The following CHST15 variants were observed in gnomAD, a reference collection of about 807,000 sequenced individuals.
CHST15 encodes carbohydrate sulfotransferase 15, also known as B cell RAG associated protein (GALNAC4S-6ST).
Under a neutral mutation model 53.6 loss-of-function variants are expected in CHST15, and 30 were observed. That is an observed-to-expected ratio of 0.56 (90% confidence interval 0.42 to 0.76). The LOEUF (loss-of-function observed/expected upper bound fraction) is 0.76, where lower values mean the gene tolerates loss of function less well. Ranked by LOEUF, CHST15 falls within the 30% of genes least tolerant of loss-of-function variation. The probability of loss-of-function intolerance (pLI) is 0.00; values close to 1 mark genes in which losing one functional copy is unlikely to be tolerated. For synonymous variants in CHST15, 296 were observed against 289.8 expected (o/e 1.02, Z -0.22); for missense variants, 627 against 740.5 (o/e 0.85, Z 1.78).
intron 5 of CHST15, among the ~76,000 whole-genome samples, chr10:124,027,562 GCT>G (rs2133898165): frequency 6.6e-6 from 1 of 152,338 alleles, no homozygotes; most frequent in East Asian, 1.9e-4. Flanking sequence ...TCCCGCCAGG[GCT>G]CTGTGTGATT....
In CHST15 at chr10:124,044,744, G is replaced by T. The variant is rs762415904; in HGVS notation, c.722C>A (p.Ala241Glu). The change falls in exon 3 of 8, where the codon GCG (alanine) becomes GAG (glutamate). Residue 241 changes from alanine to glutamate, a missense_variant. Physicochemically the swap from Ala to Glu is moderately radical, Grantham distance 107. Coordinates refer to ENST00000435907, the MANE Select transcript of CHST15 (RefSeq NM_001270764.2). Reference protein sequence around the residue: ...ALRKAFWGHLAHAHGKHFRLR... With the variant: ...ALRKAFWGHLEHAHGKHFRLR... ...GCGGAAGTGCTTCCCGTGCGCGTGC[G>T]CCAGGTGGCCCCAGAAGGCCTTGCG... The T allele has an allele frequency of 6.2e-7, 1 of 1,613,130 alleles. No individual in the cohort carries two copies. Among genetic ancestry groups the T allele is most frequent in the African/African-American group, 1.3e-5 (1 of 74,890 alleles).
chr10:124,042,510 C>T (rs1339912764), intron 3 of CHST15, 63 bp from the exon 4 acceptor site: 2 of 1,567,810 alleles, frequency 1.3e-6, no homozygotes, highest in Admixed American at 1.7e-5. Flanking sequence ...GCGATGGCCT[C>T]CCAGACAGCA....
rs12915 is a variant in CHST15, at chr10:124,008,578, C to G, written c.*1571G>C. On this transcript the variant is annotated 3_prime_UTR_variant, in exon 8 of 8. Transcript: ENST00000435907. ...GCGCTCAGAGCCCTCTGCACACCTT[C>G]GAACGGGCTGTGTGTCCCTTCTCTG... 2.0e-6 allele frequency: 2 copies of G among 1,012,500 alleles called. No homozygotes were observed. Among genetic ancestry groups the G allele is most frequent in the Non-Finnish European group, 2.4e-6 (2 of 845,072 alleles). The allele number at this position is 1,012,500 out of a possible 1,614,324, so 62.7% of individuals were successfully genotyped here.
At chr10:124,020,825 T>G in intron 6 of CHST15, 3 of 1,193,606 alleles carry the variant, frequency 2.5e-6, no homozygotes, top group Non-Finnish European at 3.1e-6. Flanking sequence ...AAAATGTTTT[T>G]CAATTGAGAC....
chr10:124,079,014 A>C (rs1277285277), intron 1 of CHST15, among the ~76,000 whole-genome samples: 1 of 152,254 alleles, frequency 6.6e-6, no homozygotes, highest in African/African-American at 2.4e-5. Flanking sequence ...GGGGACTCTG[A>C]GCAAGCATTC....
chr10:124,090,036 C>T (rs902272505), intron 1 of CHST15, among the ~76,000 whole-genome samples: 3 of 152,168 alleles, frequency 2.0e-5, no homozygotes, highest in African/African-American at 4.8e-5. Flanking sequence ...GGGACCTGGC[C>T]GCAGGCATGA....
At position 124,031,731 on chromosome 10, in the gene CHST15, T is replaced by C. The variant is rs111800689; in HGVS notation, c.1190+6784A>G. 6.4e-3 allele frequency among the ~76,000 whole-genome samples: 980 copies of C among 152,342 alleles called. 8 individuals are homozygous for C. The highest frequency in any genetic ancestry group is 0.023 in the African/African-American group (940 of 41,576). On this transcript the variant is annotated intron_variant, in intron 5 of 7. Coordinates refer to ENST00000435907, the MANE Select transcript of CHST15 (RefSeq NM_001270764.2). Reference sequence around the variant, plus strand: ...TACATATTTTCCATTTGTCAAGCACTGTTTAAACACGTTACTACAAATATT... The same window carrying C: ...TACATATTTTCCATTTGTCAAGCACCGTTTAAACACGTTACTACAAATATT...
chr10:124,082,292 T>C lies in CHST15; in HGVS notation c.-513+11177A>G, dbSNP rs564027333. On this transcript the variant is annotated intron_variant, in intron 1 of 7. Transcript: ENST00000435907. Reference sequence around the variant, plus strand: ...AGTTTAGGGAGAACTTTTGGAGTAATTGGATTGTAACTCCAAAAACCGGTA... The same window carrying C: ...AGTTTAGGGAGAACTTTTGGAGTAACTGGATTGTAACTCCAAAAACCGGTA... Among the ~76,000 whole-genome samples the C allele has an allele frequency of 1.7e-4, 26 of 152,330 alleles. No individual in the cohort carries two copies. The East Asian group carries it at 2.7e-3, about 16-fold the overall frequency.
At chr10:124,065,832 T>G (rs1332586936) in intron 1 of CHST15, among the ~76,000 whole-genome samples, 2 of 152,168 alleles carry the variant, frequency 1.3e-5, no homozygotes, top group Non-Finnish European at 2.9e-5. Context: ...GTATAACCCT[T>G]TCAGGCAAAT....
chr10:124,053,498 C>CT (rs373231674), intron 1 of CHST15, among the ~76,000 whole-genome samples: 180 of 146,064 alleles, frequency 1.2e-3, no homozygotes, highest in South Asian at 2.8e-3. Context: ...TTTTTCTTTT[C>CT]TTTTTTTTTT....
At chr10:124,039,737 T>C (rs1170824115) in intron 4 of CHST15, among the ~76,000 whole-genome samples, 1 of 152,310 alleles carries the variant, frequency 6.6e-6, no homozygotes, top group African/African-American at 2.4e-5. Flanking sequence ...CCAAATTTCC[T>C]GAGGGTTTGA....
chr10:124,041,022 G>A (rs1947713935), intron 4 of CHST15, among the ~76,000 whole-genome samples: 1 of 152,174 alleles, frequency 6.6e-6, no homozygotes, highest in South Asian at 2.1e-4. Flanking sequence ...TGAAATGTAA[G>A]TCAGACTTGA....
chr10:124,081,026 G>A (rs1033394036), intron 1 of CHST15, among the ~76,000 whole-genome samples: 2 of 152,184 alleles, frequency 1.3e-5, no homozygotes, highest in African/African-American at 4.8e-5. Context: ...CCTCCAGCCT[G>A]GGCCACTGTG....
intron 1 of CHST15, among the ~76,000 whole-genome samples, chr10:124,052,560 G>A (rs528022521): frequency 7.9e-5 from 12 of 152,190 alleles, no homozygotes; most frequent in Non-Finnish European, 1.2e-4. Flanking sequence ...AACAGATCAC[G>A]TACAGCACTG....
chr10:124,047,392 G>A (rs1023454120), intron 1 of CHST15, among the ~76,000 whole-genome samples: 6 of 152,108 alleles, frequency 3.9e-5, no homozygotes, highest in South Asian at 4.1e-4. Context: ...GGATTCCCTC[G>A]AGTGACACAG....
At position 124,009,994 on chromosome 10, in the gene CHST15, G is replaced by T; in HGVS notation, c.*155C>A. On this transcript the variant is annotated 3_prime_UTR_variant, in exon 8 of 8. Transcript: ENST00000435907. ...TGCTGAGCTCTCGAACATCACGAAG[G>T]AAATTCCAAAATGGTTATAATTCAT... is the stretch of plus-strand genomic sequence containing the variant. 1 of 1,482,054 alleles carries T rather than the reference G, an allele frequency of 6.7e-7. No individual in the cohort carries two copies. Among genetic ancestry groups the T allele is most frequent in the Admixed American group, 2.3e-5 (1 of 43,600 alleles). 91.8% of individuals were successfully genotyped at this position (1,482,054 alleles called of 1,614,324 possible).
intron 5 of CHST15, among the ~76,000 whole-genome samples, chr10:124,037,842 A>G (rs1483952002): frequency 1.3e-5 from 2 of 152,166 alleles, no homozygotes; most frequent in African/African-American, 4.8e-5. Flanking sequence ...ACGTGGAGAG[A>G]CACAGAATTC....
At chr10:124,026,528 C>T (rs2133892906) in intron 5 of CHST15, among the ~76,000 whole-genome samples, 1 of 152,312 alleles carries the variant, frequency 6.6e-6, no homozygotes, top group Admixed American at 6.5e-5. Flanking sequence ...ACTGAAATGT[C>T]TACCTTTTAG....
At chr10:124,069,717 C>CCA (rs1398981162) in intron 1 of CHST15, among the ~76,000 whole-genome samples, 1 of 152,236 alleles carries the variant, frequency 6.6e-6, no homozygotes, top group Non-Finnish European at 1.5e-5. Context: ...TGAGCCCCTG[C>CCA]CATAGGACAC....
Sources: allele counts gnomAD v4.1 joint callset (sites outside exome capture counted in the v4.1 genomes callset), GRCh38; gene constraint gnomAD v4.1.1; transcripts MANE v1.5; gene names NCBI Gene and HGNC (gene_info 2026-07-23, HGNC 2026-07-21).